The following C8orf34 variants were observed in gnomAD, a reference collection of about 807,000 sequenced individuals.
C8orf34 encodes uncharacterized protein C8orf34.
In C8orf34, 65 loss-of-function variants were observed where a neutral mutation model predicts 68.3. The ratio of observed to expected loss-of-function variants is 0.95; its 90% confidence interval spans 0.78 to 1.17. The LOEUF is 1.17. Ranked by LOEUF, C8orf34 falls within the 50% of genes most tolerant of loss-of-function variation. The probability of loss-of-function intolerance (pLI) is 0.00; values close to 1 mark genes in which losing one functional copy is unlikely to be tolerated. For missense variants in C8orf34, 664 were observed against 655.4 expected, an observed-to-expected ratio of 1.01 and a Z score of -0.14; for synonymous variants, 244 against 241.2, an observed-to-expected ratio of 1.01 and a Z score of -0.11.
intron 10 of C8orf34, among the ~76,000 whole-genome samples, chr8:68,727,610 C>T (rs895019075): frequency 1.3e-5 from 2 of 152,262 alleles, no homozygotes; most frequent in African/African-American, 4.8e-5. Flanking sequence ...AAACTTTTGC[C>T]TAGGCATCCA....
chr8:68,676,195 G>A (rs906731383), intron 8 of C8orf34, among the ~76,000 whole-genome samples: 1 of 152,042 alleles, frequency 6.6e-6, no homozygotes. Context: ...TTATCCAGGT[G>A]TGGAGGCATA....
chr8:68,364,736 AT>A (rs1287872381), intron 1 of C8orf34, among the ~76,000 whole-genome samples: 12 of 136,966 alleles, frequency 8.8e-5, no homozygotes, highest in Non-Finnish European at 1.9e-4. Flanking sequence ...TCTGGGATGC[AT>A]TCAAAGCAGT....
chr8:68,747,472 A>G (rs1172984916), intron 10 of C8orf34, among the ~76,000 whole-genome samples: 1 of 146,452 alleles, frequency 6.8e-6, no homozygotes, highest in Non-Finnish European at 1.5e-5. Flanking sequence ...ACATGATTGT[A>G]TATCTAGAAA....
intron 1 of C8orf34, among the ~76,000 whole-genome samples, chr8:68,396,753 C>CCT (rs755355343): frequency 7.0e-6 from 1 of 143,026 alleles, no homozygotes; most frequent in Non-Finnish European, 1.5e-5. Context: ...CCTGGTGCCT[C>CCT]CTCTCTCTCT....
At chr8:68,349,309 A>T (rs183941341) in intron 1 of C8orf34, among the ~76,000 whole-genome samples, 2 of 152,236 alleles carry the variant, frequency 1.3e-5, no homozygotes, top group Admixed American at 1.3e-4. Flanking sequence ...CCAGCTTTGC[A>T]TCCTAGGGAT....
In C8orf34 at chr8:68,534,860, A is replaced by G. The variant is rs533800880; in HGVS notation, c.1105+1711A>G. 32 of 985,374 alleles carry G rather than the reference A, an allele frequency of 3.2e-5. No homozygotes were observed. The African/African-American group carries it at 5.6e-4, about 17-fold the overall frequency. 61.0% of individuals were successfully genotyped at this position (985,374 alleles called of 1,614,324 possible). A position where few individuals can be genotyped will look rare whatever the true frequency, so the allele number is the denominator to read the frequency against. On this transcript the variant is annotated intron_variant, in intron 7 of 13. Transcript: ENST00000518698. ...TTCTAGTCTCCCAAGCTGAAGACCG[A>G]GGATTGAGTCTTGGAGACTATCTAA...
intron 4 of C8orf34, among the ~76,000 whole-genome samples, chr8:68,477,864 C>A (rs1316244893): frequency 6.6e-6 from 1 of 152,128 alleles, no homozygotes. Flanking sequence ...GCCTTTGGTC[C>A]CTTATAGCCA....
chr8:68,798,297 T>TC (rs1824236653), intron 12 of C8orf34, among the ~76,000 whole-genome samples: 1 of 149,982 alleles, frequency 6.7e-6, no homozygotes, highest in Admixed American at 6.6e-5. Flanking sequence ...GCTTTTTTTT[T>TC]TTTTTTTTTT....
At chr8:68,605,962 G>T (rs868782389) in intron 7 of C8orf34, among the ~76,000 whole-genome samples, 6 of 152,044 alleles carry the variant, frequency 3.9e-5, no homozygotes, top group East Asian at 1.9e-4. Context: ...TGGTGTGTGT[G>T]GGGGGCAGGA....
chr8:68,716,982 T>C (rs1012899232), intron 9 of C8orf34, among the ~76,000 whole-genome samples: 1 of 151,744 alleles, frequency 6.6e-6, no homozygotes, highest in African/African-American at 2.4e-5. Flanking sequence ...AGATTTCTAC[T>C]GTGTAAATGT....
chr8:68,719,079 A>G lies in C8orf34; in HGVS notation c.1328-2282A>G, dbSNP rs1199046204. On this transcript the variant is annotated intron_variant, in intron 9 of 13. Coordinates refer to ENST00000518698, the MANE Select transcript of C8orf34 (RefSeq NM_052958.4). ...GCTTGCACATATATACTCACCTGTT[A>G]CTGTTAATGAGTGATGTACTTAGAA... is the stretch of plus-strand genomic sequence containing the variant. Among the ~76,000 whole-genome samples the G allele has an allele frequency of 2.0e-5, 3 of 152,158 alleles. No homozygotes were observed. In the East Asian group the frequency reaches 5.8e-4, roughly 29 times the overall value.
At chr8:68,493,442 T>C (rs1156453615) in intron 5 of C8orf34, among the ~76,000 whole-genome samples, 1 of 152,126 alleles carries the variant, frequency 6.6e-6, no homozygotes, top group Non-Finnish European at 1.5e-5. Context: ...CCCATTAGGA[T>C]GGCCACTATC....
chr8:68,475,699 A>C (rs1207665781), intron 4 of C8orf34, among the ~76,000 whole-genome samples: 1 of 152,212 alleles, frequency 6.6e-6, no homozygotes, highest in Non-Finnish European at 1.5e-5. Flanking sequence ...GCTAAAGACC[A>C]GCAGTTTTTT....
intron 7 of C8orf34, chr8:68,533,571 A>T: frequency 2.0e-6 from 2 of 986,090 alleles, no homozygotes; most frequent in Non-Finnish European, 2.4e-6. Context: ...GCTTTAGAAA[A>T]ATAGAATAAA....
At chr8:68,576,169 C>T (rs1816900756) in intron 7 of C8orf34, among the ~76,000 whole-genome samples, 1 of 151,390 alleles carries the variant, frequency 6.6e-6, no homozygotes, top group Non-Finnish European at 1.5e-5. Context: ...CATACACACC[C>T]ACACAAACAC....
chr8:68,394,915 G>A (rs995776428), intron 1 of C8orf34, among the ~76,000 whole-genome samples: 4 of 151,994 alleles, frequency 2.6e-5, no homozygotes, highest in Non-Finnish European at 4.4e-5. Flanking sequence ...CTAACTTAAT[G>A]AATCATACCT....
intron 8 of C8orf34, among the ~76,000 whole-genome samples, chr8:68,680,077 T>G (rs1820322308): frequency 6.6e-6 from 1 of 151,940 alleles, no homozygotes; most frequent in South Asian, 2.1e-4. Flanking sequence ...ACAAATGAGA[T>G]CACATCAAGT....
chr8:68,593,219 G>A (rs1817448910), intron 7 of C8orf34, among the ~76,000 whole-genome samples: 1 of 151,978 alleles, frequency 6.6e-6, no homozygotes, highest in Non-Finnish European at 1.5e-5. Flanking sequence ...GATTTTTGTG[G>A]TGTAAGAGTA....
At chr8:68,760,620 C>A (rs1434642145) in intron 10 of C8orf34, among the ~76,000 whole-genome samples, 5 of 152,184 alleles carry the variant, frequency 3.3e-5, no homozygotes, top group Admixed American at 2.0e-4. Context: ...TTATTAAATT[C>A]TCATAAGAGC....
Sources: gnomAD v4.1 joint callset for allele counts (sites outside exome capture counted in the v4.1 genomes callset) on GRCh38, gnomAD v4.1.1 for gene constraint, MANE v1.5 for transcripts, NCBI Gene and HGNC (gene_info 2026-07-23, HGNC 2026-07-21) for gene names.